Variants in PIAS3 observed in about 807,000 individuals in gnomAD.
PIAS3 encodes the protein protein inhibitor of activated STAT 3.
PIAS3 carries 34 observed loss-of-function variants against 67.6 expected under a neutral mutation model. The observed-to-expected ratio is 0.50, with a 90% confidence interval of 0.38 to 0.67. The LOEUF (loss-of-function observed/expected upper bound fraction) is 0.67. Among genes scored for constraint, PIAS3 ranks in the 30% least tolerant of loss-of-function variants. The pLI, the probability that PIAS3 is intolerant of heterozygous loss-of-function variation, is 0.00. For missense variants in PIAS3, 693 were observed against 791.6 expected (o/e 0.88, Z 1.49); for synonymous variants, 341 against 313.8 (o/e 1.09, Z -0.92).
chr1:145,853,503 C>T lies in PIAS3; in HGVS notation c.1145+1G>A. The T allele has an allele frequency of 6.2e-7, 1 of 1,604,054 alleles. No individual in the cohort carries two copies. ...GGTAAGAGGAAGCAAAATGGCCCTA[C>T]CCATCAATGATAAGAGATTCATAGG... On this transcript the variant is annotated splice_donor_variant, in intron 9 of 13. Transcript: ENST00000393045. LOFTEE classifies it high-confidence loss of function.
intron 11 of PIAS3, 39 bp from the exon 12 acceptor site, chr1:145,850,625 A>G: frequency 6.2e-7 from 1 of 1,608,332 alleles, no homozygotes; most frequent in East Asian, 2.2e-5. Flanking sequence ...AGCAAACCAC[A>G]GATGCCCTCA....
Position 145,856,827 on chromosome 1 carries a change from C to T in PIAS3, c.204G>A (p.Lys68=). Residue 68 remains lysine (K), a synonymous_variant, in exon 2 of 14, where the codon AAG becomes AAA. Transcript: ENST00000393045. ...KELYRRRFPR[K]TLGPSDLSLL... ...GGGAGAGATCAGAGGGCCCCAGGGT[C>T]TTCCGGGGAAAGCGTCGTCGGTAAA... 6.2e-7 allele frequency: 1 copy of T among 1,614,102 alleles called. No homozygotes were observed. Among genetic ancestry groups the T allele is most frequent in the Non-Finnish European group, 8.5e-7 (1 of 1,180,006 alleles).
chr1:145,851,216 T>TCTGTAACTCACCTTC, intron 9 of PIAS3, 63 bp from the exon 10 acceptor site: 1 of 1,531,204 alleles, frequency 6.5e-7, no homozygotes, highest in East Asian at 2.3e-5. Context: ...TAGCCAGAGT[T>TCTGTAACTCACCTTC]CTGTAACTCA....
rs1553735681 is a variant in PIAS3 at position 145,856,618 on chromosome 1, T to C, written c.413A>G (p.Tyr138Cys). 1.9e-6 allele frequency: 3 copies of C among 1,570,376 alleles called. No homozygotes were observed. Among genetic ancestry groups the C allele is most frequent in the Admixed American group, 3.6e-5 (2 of 55,372 alleles). The stretch of plus-strand genomic sequence containing the variant: ...GGTGGTGGGCCGGATGAGCTCCCCA[T>C]AGACTTCATAGAAGGGCAATGGTTT... ...TMKPLPFYEVYGELIRPTTLA... is the reference protein window; with the variant it reads ...TMKPLPFYEVCGELIRPTTLA... Residue 138 changes from tyrosine to cysteine, a missense_variant, in exon 2 of 14, where the codon TAT (tyrosine) becomes TGT (cysteine). By Grantham distance (194) the Tyr-to-Cys change is radical. Coordinates refer to ENST00000393045, the MANE Select transcript of PIAS3 (RefSeq NM_006099.3).
Position 145,850,821 on chromosome 1 carries a change from CT to C in PIAS3, c.1397del (p.Lys466SerfsTer20). 6.2e-7 allele frequency: 1 copy of C among 1,614,232 alleles called. No homozygotes were observed. Among genetic ancestry groups the C allele is most frequent in the South Asian group, 1.1e-5 (1 of 91,092 alleles). On this transcript the variant is annotated frameshift_variant, in exon 11 of 14. Transcript: ENST00000393045. LOFTEE classifies it high-confidence loss of function. Reference sequence around the variant, plus strand: ...TGGCAGCTGAGGTGACAGAACAGTGCTTCTTGGTAGGGGGCAGATCCTCCTC... The same window carrying C: ...TGGCAGCTGAGGTGACAGAACAGTGCTCTTGGTAGGGGGCAGATCCTCCTC... ...SDEEDLPPTK[K>X]HCSVTSAAIP...
Position 145,859,005 on chromosome 1 carries a change from G to A in PIAS3, c.-15C>T. ...AGCTCCGCCATCTTGAGACATCGCA[G>A]GCGCCCCAGCCGGAGCCGGAGCTCA... On this transcript the variant is annotated 5_prime_UTR_variant, in exon 1 of 14. Transcript: ENST00000393045. The A allele has an allele frequency of 6.5e-7, 1 of 1,543,332 alleles. No homozygotes were observed. The highest frequency in any genetic ancestry group is 8.7e-7 in the Non-Finnish European group (1 of 1,145,780).
chr1:145,853,422 A>T, intron 9 of PIAS3, 82 bp downstream of exon 9: 5 of 1,193,124 alleles, frequency 4.2e-6, no homozygotes, highest in Non-Finnish European at 5.8e-6. Context: ...AAAAAAAAAA[A>T]AGAAAAGAAA....
intron 1 of PIAS3, among the ~76,000 whole-genome samples, chr1:145,858,167 T>C (rs904389470): frequency 2.0e-5 from 3 of 152,146 alleles, no homozygotes; most frequent in African/African-American, 7.2e-5. Flanking sequence ...TCCTGTCATG[T>C]GCAGGGCTTG....
chr1:145,857,084 G>A (rs1653220186), intron 1 of PIAS3, 78 bp from the exon 2 acceptor site: 2 of 1,282,438 alleles, frequency 1.6e-6, no homozygotes, highest in East Asian at 2.3e-5. Flanking sequence ...TGAGCTACCA[G>A]GTGGGCAGTG....
chr1:145,858,442 G>A (rs1052827646), intron 1 of PIAS3, among the ~76,000 whole-genome samples: 1 of 150,552 alleles, frequency 6.6e-6, no homozygotes, highest in Admixed American at 6.6e-5. Flanking sequence ...GTATCGGCCC[G>A]CACAGCCCCG....
At chr1:145,858,888 C>G in intron 1 of PIAS3, 79 bp downstream of exon 1, 3 of 1,327,802 alleles carry the variant, frequency 2.3e-6, no homozygotes, top group Non-Finnish European at 3.0e-6. Context: ...CGAGCCCCGG[C>G]ACCCAGTCTC....
chr1:145,855,105 T>C (rs1332412864), intron 5 of PIAS3, among the ~76,000 whole-genome samples: 1 of 152,160 alleles, frequency 6.6e-6, no homozygotes, highest in Non-Finnish European at 1.5e-5. Context: ...AGCTTATTTA[T>C]TGACTGAGAA....
rs782592823 is a variant in PIAS3, at chr1:145,854,801, A to G, written c.749T>C (p.Leu250Pro). Reference protein sequence around the residue: ...RPINITPLARLSATVPNTIVV... With the variant: ...RPINITPLARPSATVPNTIVV... Reference sequence around the variant, plus strand: ...AATGGTGTTGGGAACAGTGGCTGAGAGTCGAGCCAGGGGTGTGATGTTGAT... The same window carrying G: ...AATGGTGTTGGGAACAGTGGCTGAGGGTCGAGCCAGGGGTGTGATGTTGAT... The change falls in exon 6 of 14, where the codon CTC becomes CCC. Residue 250 changes from leucine (L) to proline (P), a missense_variant. Physicochemically the swap from Leu to Pro is moderately conservative, Grantham distance 98. Around this residue, in one of 3 missense-constraint regions of PIAS3, gnomAD observed 308 missense variants for 348.8 expected, o/e 0.88. Transcript: ENST00000393045. 43 of 1,614,034 alleles carry G rather than the reference A, an allele frequency of 2.7e-5. No individual in the cohort carries two copies. In the East Asian group the frequency reaches 4.7e-4, roughly 18 times the overall value.
intron 9 of PIAS3, among the ~76,000 whole-genome samples, chr1:145,851,959 C>CAA (rs782076715): frequency 1.5e-4 from 9 of 58,722 alleles, no homozygotes; most frequent in East Asian, 5.1e-4. Context: ...AACACCGTCT[C>CAA]AAAAAAAAAA....
intron 5 of PIAS3, 134 bp from the exon 6 acceptor site, chr1:145,855,014 G>T: frequency 9.9e-7 from 1 of 1,005,998 alleles, no homozygotes; most frequent in Non-Finnish European, 1.5e-6. Flanking sequence ...TGACCAAGGG[G>T]ATGGAGGCCC....
chr1:145,851,402 T>A (rs1423624888), intron 9 of PIAS3: 3 of 428,604 alleles, frequency 7.0e-6, no homozygotes, highest in Non-Finnish European at 8.5e-6. Context: ...ACGCCTTTAA[T>A]CCCAGCACTT....
intron 6 of PIAS3, 52 bp from the exon 7 acceptor site, chr1:145,854,615 T>C: frequency 6.4e-7 from 1 of 1,568,278 alleles, no homozygotes; most frequent in Non-Finnish European, 8.8e-7. Flanking sequence ...ATACCACCAC[T>C]GCCCACTTTT....
chr1:145,848,612 A>G lies in PIAS3; in HGVS notation c.*834T>C. ...ACAACATAGGTCCTAGGCCTTGGCG[A>G]GCCTGAAAAAGAAGATTGGGAAGGA... On this transcript the variant is annotated 3_prime_UTR_variant, in exon 14 of 14. Transcript: ENST00000393045. 1.5e-6 allele frequency: 1 copy of G among 681,372 alleles called. No homozygotes were observed. The highest frequency in any genetic ancestry group is 2.5e-6 in the Non-Finnish European group (1 of 403,834). 42.2% of individuals were successfully genotyped at this position (681,372 alleles called of 1,614,324 possible).
rs75595063 is a variant in PIAS3 at position 145,849,235 on chromosome 1, A to C, written c.*211T>G. On this transcript the variant is annotated 3_prime_UTR_variant, in exon 14 of 14. Transcript: ENST00000393045. ...CCACCATCTAAAGAACATTTCCAGA[A>C]ACAGACCCCAGTGTCCTTAAAAAGA... The C allele has an allele frequency of 8.3e-3, 3,409 of 410,440 alleles. 96 individuals are homozygous for C. Among genetic ancestry groups the C allele is most frequent in the African/African-American group, 0.063 (3,064 of 49,006 alleles). 25.4% of individuals were successfully genotyped at this position (410,440 alleles called of 1,614,324 possible).
Sources: allele counts gnomAD v4.1 joint callset (sites outside exome capture counted in the v4.1 genomes callset), GRCh38; gene constraint gnomAD v4.1.1; regional missense constraint gnomAD v4.1.1; transcripts MANE v1.5; gene names NCBI Gene and HGNC (gene_info 2026-07-23, HGNC 2026-07-21).